Variants in CYFIP2 observed in about 807,000 individuals in gnomAD.
The protein encoded by CYFIP2 is cytoplasmic FMR1-interacting protein 2.
A neutral mutation model predicts 158.7 loss-of-function variants in CYFIP2; 29 were observed. The ratio of observed to expected loss-of-function variants is 0.18; its 90% CI spans 0.14 to 0.25. CYFIP2 has a LOEUF of 0.25. Ranked by LOEUF, CYFIP2 falls within the 10% of genes least tolerant of loss-of-function variation. CYFIP2 has a pLI of 1.00. For synonymous variants in CYFIP2, 585 were observed against 617.6 expected (o/e 0.95, Z 0.78); for missense variants, 852 against 1,639.5 (o/e 0.52, Z 8.29).
intron 23 of CYFIP2, among the ~76,000 whole-genome samples, chr5:157,347,305 G>GGA (rs1554116538): frequency 1.4e-4 from 19 of 134,180 alleles, no homozygotes; most frequent in Admixed American, 3.8e-4. Flanking sequence ...TTTTCCCTTG[G>GGA]AAAAAAAAAA....
At chr5:157,312,735 T>G (rs1424274258) in intron 11 of CYFIP2, among the ~76,000 whole-genome samples, 1 of 152,248 alleles carries the variant, frequency 6.6e-6, no homozygotes, top group Non-Finnish European at 1.5e-5. Flanking sequence ...AGACCATGAC[T>G]TGTGGTCATT....
intron 7 of CYFIP2, 141 bp from the exon 8 acceptor site, chr5:157,304,097 C>A: frequency 1.9e-6 from 2 of 1,045,888 alleles, no homozygotes; most frequent in Non-Finnish European, 2.7e-6. Context: ...TGCCAGCTGG[C>A]ATGCAGCCTC....
At chr5:157,304,525 A>G in intron 8 of CYFIP2, 159 bp downstream of exon 8, 1 of 777,744 alleles carries the variant, frequency 1.3e-6, no homozygotes, top group Non-Finnish European at 2.0e-6. Flanking sequence ...TTCCTGTAAT[A>G]TAATATACCG....
chr5:157,385,558 C>A (rs1477796708), intron 28 of CYFIP2, among the ~76,000 whole-genome samples: 1 of 152,138 alleles, frequency 6.6e-6, no homozygotes, highest in Non-Finnish European at 1.5e-5. Context: ...TGTTGCCCCA[C>A]ACTATCACCA....
At chr5:157,365,703 C>T (rs1260069273) in intron 26 of CYFIP2, among the ~76,000 whole-genome samples, 3 of 150,634 alleles carry the variant, frequency 2.0e-5, no homozygotes, top group African/African-American at 4.9e-5. Context: ...ATCGTAGTTC[C>T]GAGTTCTATT....
intron 28 of CYFIP2, among the ~76,000 whole-genome samples, chr5:157,388,247 CAT>C (rs907203213): frequency 1.1e-4 from 17 of 152,234 alleles, no homozygotes; most frequent in Admixed American, 6.5e-5. Flanking sequence ...TGACTCATAA[CAT>C]GTGTAGTAAT....
At chr5:157,323,217 G>T (rs574328934) in intron 15 of CYFIP2, among the ~76,000 whole-genome samples, 2 of 152,160 alleles carry the variant, frequency 1.3e-5, no homozygotes, top group African/African-American at 2.4e-5. Context: ...GGAGTTAATT[G>T]TCTAGTAGCC....
At chr5:157,373,662 A>C (rs181162411) in intron 26 of CYFIP2, among the ~76,000 whole-genome samples, 1 of 152,224 alleles carries the variant, frequency 6.6e-6, no homozygotes, top group Admixed American at 6.5e-5. Context: ...TGTACTGCAC[A>C]TGGGAAGATG....
chr5:157,312,499 A>T (rs570595883), intron 11 of CYFIP2, among the ~76,000 whole-genome samples: 2 of 152,280 alleles, frequency 1.3e-5, no homozygotes, highest in Non-Finnish European at 2.9e-5. Context: ...CTCCTAATAA[A>T]TGAATATGCT....
chr5:157,304,449 A>T lies in CYFIP2; in HGVS notation c.795+83A>T. Reference sequence around the variant, plus strand: ...TTATTAAAAATCCGTTTTAAAAAACAATGTTTCTTTTTTCTTAAACATTGA... The same window carrying T: ...TTATTAAAAATCCGTTTTAAAAAACTATGTTTCTTTTTTCTTAAACATTGA... On this transcript the variant is annotated intron_variant, in intron 8 of 30. Transcript: ENST00000620254. 3 of 1,481,842 alleles carry T rather than the reference A, an allele frequency of 2.0e-6. No homozygotes were observed. In the South Asian group the frequency reaches 3.9e-5, roughly 19 times the overall value. The allele number at this position is 1,481,842 out of a possible 1,614,324, so 91.8% of individuals were successfully genotyped here. A position where few individuals can be genotyped will look rare whatever the true frequency, so the allele number is the denominator to read the frequency against.
intron 15 of CYFIP2, chr5:157,322,800 T>C (rs935437060): frequency 1.6e-5 from 13 of 798,262 alleles, no homozygotes; most frequent in Non-Finnish European, 2.4e-5. Context: ...GTCTCAGAGG[T>C]GGCCCCCGGC....
At chr5:157,322,921 T>G in intron 15 of CYFIP2, 1 of 1,533,620 alleles carries the variant, frequency 6.5e-7, no homozygotes, top group Non-Finnish European at 8.7e-7. Flanking sequence ...CCCTCTTCCT[T>G]CTCTCCTATC....
chr5:157,307,994 C>A, intron 9 of CYFIP2, 129 bp downstream of exon 9: 1 of 607,752 alleles, frequency 1.6e-6, no homozygotes, highest in South Asian at 1.9e-5. Context: ...TCCAAAGATC[C>A]CAAGAGTAGG....
intron 16 of CYFIP2, 132 bp downstream of exon 16, chr5:157,324,206 G>A: frequency 1.8e-6 from 2 of 1,085,360 alleles, no homozygotes; most frequent in South Asian, 2.1e-5. Flanking sequence ...CACCACCAAG[G>A]AAAAAACACA....
At chr5:157,319,351 C>A (rs1470192463) in intron 13 of CYFIP2, among the ~76,000 whole-genome samples, 1 of 152,176 alleles carries the variant, frequency 6.6e-6, no homozygotes, top group Non-Finnish European at 1.5e-5. Flanking sequence ...TAAAAAAGTT[C>A]TATTTGATGT....
intron 30 of CYFIP2, among the ~76,000 whole-genome samples, chr5:157,390,969 A>T (rs944809696): frequency 6.6e-6 from 1 of 152,096 alleles, no homozygotes; most frequent in African/African-American, 2.4e-5. Context: ...ACAAATATTC[A>T]CCAAATACCA....
In CYFIP2 at chr5:157,311,842, C is replaced by A; in HGVS notation, c.1110+61C>A. 2.1e-6 allele frequency: 3 copies of A among 1,462,426 alleles called. No homozygotes were observed. The highest frequency in any genetic ancestry group is 2.8e-6 in the Non-Finnish European group (3 of 1,067,516). The allele number at this position is 1,462,426 out of a possible 1,614,324, so 90.6% of individuals were successfully genotyped here. A position where few individuals can be genotyped will look rare whatever the true frequency, so the allele number is the denominator to read the frequency against. ...GCCCAGGGCCAGAAGGGGTAAGGAG[C>A]AGCCAGGAAAGAACATGGACCCACG... On this transcript the variant is annotated intron_variant, in intron 11 of 30. Coordinates refer to ENST00000620254, the MANE Select transcript of CYFIP2 (RefSeq NM_001037333.3). This position sits in a 1 kb window ranked among gnomAD's most constrained non-coding sequence, Gnocchi z 4.7.
At chr5:157,313,031 C>A (rs745976816) in intron 11 of CYFIP2, among the ~76,000 whole-genome samples, 1 of 152,214 alleles carries the variant, frequency 6.6e-6, no homozygotes, top group South Asian at 2.1e-4. Context: ...AATTCCTACT[C>A]TCATTTTGGT....
intron 28 of CYFIP2, among the ~76,000 whole-genome samples, chr5:157,388,384 A>G (rs1323992481): frequency 6.6e-6 from 1 of 152,218 alleles, no homozygotes; most frequent in Admixed American, 6.5e-5. Flanking sequence ...GCACTTCTAG[A>G]GGAAATAATT....
Sources: gnomAD v4.1 joint callset for allele counts (sites outside exome capture counted in the v4.1 genomes callset) on GRCh38, gnomAD v4.1.1 for gene constraint, Gnocchi (gnomAD v3.1) non-coding constraint, MANE v1.5 for transcripts, NCBI Gene and HGNC (gene_info 2026-07-23, HGNC 2026-07-21) for gene names.